PCDH15: variants seen among roughly 807,000 people sequenced by gnomAD.
The protein encoded by PCDH15 is protocadherin related 15.
In PCDH15, 129 loss-of-function variants were observed where a neutral mutation model predicts 178.5. The observed-to-expected ratio is 0.72, with a 90% CI of 0.63 to 0.84. The LOEUF is 0.84. PCDH15 is among the 40% of genes least tolerant of loss of function. PCDH15 has a pLI of 0.00. For synonymous variants in PCDH15, 800 were observed against 732.0 expected, an observed-to-expected ratio of 1.09 and a Z score of -1.50; for missense variants, 2,230 against 2,099.9, an observed-to-expected ratio of 1.06 and a Z score of -1.21.
chr10:54,559,781 T>A (rs1398044054), intron 2 of PCDH15, among the ~76,000 whole-genome samples: 1 of 145,778 alleles, frequency 6.9e-6, no homozygotes, highest in Non-Finnish European at 1.5e-5. Flanking sequence ...ACTGTAGAGA[T>A]GACTGGCTTA....
chr10:53,834,560 A>T (rs1246301860), intron 29 of PCDH15, among the ~76,000 whole-genome samples: 1 of 149,092 alleles, frequency 6.7e-6, no homozygotes, highest in Non-Finnish European at 1.5e-5. Flanking sequence ...CAGTGTACTC[A>T]GTTACTATAT....
At chr10:55,410,344 AT>A (rs35743005) in intron 2 of PCDH15, among the ~76,000 whole-genome samples, 2 of 151,802 alleles carry the variant, frequency 1.3e-5, no homozygotes, top group Non-Finnish European at 2.9e-5. Flanking sequence ...ATCTTCATTA[AT>A]TTTTTTTCCT....
intron 3 of PCDH15, among the ~76,000 whole-genome samples, chr10:54,507,295 A>G (rs2081253368): frequency 6.6e-6 from 1 of 151,456 alleles, no homozygotes. Context: ...TTATTCCTGC[A>G]TAGAGTATTA....
chr10:54,569,929 G>C (rs2089564066), intron 2 of PCDH15, among the ~76,000 whole-genome samples: 1 of 152,012 alleles, frequency 6.6e-6, no homozygotes, highest in Non-Finnish European at 1.5e-5. Context: ...AACAACTCAG[G>C]GTTTTTAGAT....
chr10:53,904,896 T>C (rs1229820986), intron 25 of PCDH15, among the ~76,000 whole-genome samples: 2 of 151,864 alleles, frequency 1.3e-5, no homozygotes, highest in Admixed American at 6.6e-5. Context: ...ACAATTCAAA[T>C]GTGCTATTTC....
intron 2 of PCDH15, among the ~76,000 whole-genome samples, chr10:55,151,678 A>G (rs11004753): frequency 0.37 from 55,523 of 151,904 alleles, 10,532 homozygotes; most frequent in Admixed American, 0.46. Flanking sequence ...ATGTGGTAAG[A>G]TCAAACAGAT....
At chr10:54,278,302 C>T (rs11598530) in intron 8 of PCDH15, among the ~76,000 whole-genome samples, 75,032 of 151,214 alleles carry the variant, frequency 0.5, 19,560 homozygotes, top group Middle Eastern at 0.61. Flanking sequence ...ATCTCTAAGA[C>T]AATTTTTAGT....
chr10:55,155,094 AG>A (rs1838847888), intron 2 of PCDH15, among the ~76,000 whole-genome samples: 1 of 102,424 alleles, frequency 9.8e-6, no homozygotes, highest in African/African-American at 2.7e-5. Flanking sequence ...TAGGTATAAT[AG>A]TATAGATACC....
chr10:54,867,141 G>A (rs1486728148), intron 3 of PCDH15, among the ~76,000 whole-genome samples: 4 of 152,144 alleles, frequency 2.6e-5, no homozygotes, highest in East Asian at 1.9e-4. Context: ...AGACTGGGCT[G>A]GGGGAATATC....
chr10:54,340,987 C>A (rs1942119499), intron 6 of PCDH15, among the ~76,000 whole-genome samples: 1 of 152,134 alleles, frequency 6.6e-6, no homozygotes, highest in Admixed American at 6.5e-5. Flanking sequence ...AACTTCTAAG[C>A]TCTTATTGGG....
rs373236494 is a variant in PCDH15, at chr10:54,470,756, G to A, written c.157+57056C>T. Among the ~76,000 whole-genome samples the A allele has an allele frequency of 1.4e-4, 21 of 152,206 alleles. No individual in the cohort carries two copies. In the South Asian group the frequency reaches 3.1e-3, roughly 23 times the overall value. On this transcript the variant is annotated intron_variant, in intron 3 of 37. Coordinates refer to ENST00000644397, the MANE Select transcript of PCDH15 (RefSeq NM_001384140.1). Reference sequence around the variant, plus strand: ...CAATTGTAGCCAAGCGGGCTGCCTCGCTTTGGTCTCCTTTCTTGCCTTAGG... The same window carrying A: ...CAATTGTAGCCAAGCGGGCTGCCTCACTTTGGTCTCCTTTCTTGCCTTAGG...
At chr10:54,459,543 G>T (rs192200902) in intron 3 of PCDH15, among the ~76,000 whole-genome samples, 140 of 152,094 alleles carry the variant, frequency 9.2e-4, no homozygotes, top group Middle Eastern at 3.4e-3. Context: ...GGAGAAAAAT[G>T]ACTTAATATA....
At chr10:53,928,174 C>A (rs532048897) in intron 25 of PCDH15, among the ~76,000 whole-genome samples, 6 of 151,970 alleles carry the variant, frequency 3.9e-5, no homozygotes, top group Non-Finnish European at 5.9e-5. Context: ...CTATGTACAT[C>A]TTTTCTATAT....
intron 15 of PCDH15, among the ~76,000 whole-genome samples, chr10:54,111,635 A>T (rs902730117): frequency 6.6e-6 from 1 of 152,174 alleles, no homozygotes; most frequent in African/African-American, 2.4e-5. Flanking sequence ...AACAGAGAAC[A>T]TGCAGTATCA....
chr10:55,143,380 A>T (rs1591937546), intron 2 of PCDH15, among the ~76,000 whole-genome samples: 1 of 152,172 alleles, frequency 6.6e-6, no homozygotes, highest in South Asian at 2.1e-4. Context: ...AAATAGATAT[A>T]AAAGTAATTT....
intron 1 of PCDH15, among the ~76,000 whole-genome samples, chr10:54,727,623 A>C (rs933049484): frequency 6.6e-6 from 1 of 151,532 alleles, no homozygotes. Context: ...ACTGAGATGC[A>C]TCAAACCATA....
At chr10:55,151,704 T>C (rs990231817) in intron 2 of PCDH15, among the ~76,000 whole-genome samples, 1 of 152,076 alleles carries the variant, frequency 6.6e-6, no homozygotes, top group African/African-American at 2.4e-5. Context: ...CAGACTAACA[T>C]TTCCAGAATG....
At chr10:53,846,671 T>C (rs930553990) in intron 28 of PCDH15, among the ~76,000 whole-genome samples, 13 of 152,060 alleles carry the variant, frequency 8.5e-5, no homozygotes, top group African/African-American at 2.9e-4. Flanking sequence ...AGCATTACCT[T>C]ATCCAGTTAC....
chr10:54,185,333 A>T, intron 11 of PCDH15, 65 bp from the exon 12 acceptor site: 1 of 1,574,170 alleles, frequency 6.4e-7, no homozygotes. Flanking sequence ...TTCATTACCT[A>T]GAAGTTAATG....
Sources: gnomAD v4.1 joint callset for allele counts (sites outside exome capture counted in the v4.1 genomes callset) on GRCh38, gnomAD v4.1.1 for gene constraint, MANE v1.5 for transcripts, NCBI Gene and HGNC (gene_info 2026-07-23, HGNC 2026-07-21) for gene names.